VPS13B: variants seen among roughly 807,000 people sequenced by gnomAD.
VPS13B encodes vacuolar protein sorting 13 homolog B, also known as intermembrane lipid transfer protein VPS13B.
VPS13B carries 285 observed loss-of-function variants against 426.4 expected under a neutral mutation model. The ratio of observed to expected loss-of-function variants is 0.67; its 90% CI spans 0.61 to 0.74. The LOEUF is 0.74. Among genes scored for constraint, VPS13B ranks in the 30% least tolerant of loss-of-function variants. VPS13B has a pLI of 0.00. For synonymous variants in VPS13B, 1,676 were observed against 1,676.4 expected (o/e 1.00, Z 0.01); for missense variants, 4,537 against 4,782.6 (o/e 0.95, Z 1.51).
At chr8:99,275,297 T>A in intron 19 of VPS13B, 43 bp downstream of exon 19, 1 of 1,506,258 alleles carries the variant, frequency 6.6e-7, no homozygotes, top group Admixed American at 2.2e-5. Flanking sequence ...TGCTTTTTTT[T>A]TTTTTTTTTT....
Position 99,541,635 on chromosome 8 carries a change from G to A in VPS13B, c.4746-14815G>A, listed in dbSNP as rs199532460. On this transcript the variant is annotated intron_variant, in intron 30 of 61. Coordinates refer to ENST00000357162, the MANE Select transcript of VPS13B (RefSeq NM_152564.5). Reference sequence around the variant, plus strand: ...CCCATATTTGTATAACTCTTGCCATGTTAAAACATTCATGCCGAAAGTAAA... The same window carrying A: ...CCCATATTTGTATAACTCTTGCCATATTAAAACATTCATGCCGAAAGTAAA... Among the ~76,000 whole-genome samples, 45 of 152,198 alleles carry A rather than the reference G, an allele frequency of 3.0e-4. No homozygotes were observed. The East Asian group carries it at 7.9e-3, about 27-fold the overall frequency.
intron 21 of VPS13B, among the ~76,000 whole-genome samples, chr8:99,407,612 T>G (rs1410052828): frequency 6.7e-6 from 1 of 149,342 alleles, no homozygotes; most frequent in East Asian, 2.0e-4. Flanking sequence ...GAGGCCAGCA[T>G]TTTCCTTTAT....
chr8:99,410,259 A>G (rs1357554463), intron 21 of VPS13B, among the ~76,000 whole-genome samples: 1 of 152,166 alleles, frequency 6.6e-6, no homozygotes, highest in Non-Finnish European at 1.5e-5. Flanking sequence ...TTTCTTTGCA[A>G]GATATTTAAG....
At chr8:99,722,695 G>A (rs1833179500) in intron 39 of VPS13B, among the ~76,000 whole-genome samples, 1 of 152,002 alleles carries the variant, frequency 6.6e-6, no homozygotes, top group Non-Finnish European at 1.5e-5. Context: ...TTTTAGTAGA[G>A]ATGGGGTTTC....
chr8:99,847,757 T>C (rs1399417845), intron 54 of VPS13B, among the ~76,000 whole-genome samples: 1 of 152,202 alleles, frequency 6.6e-6, no homozygotes, highest in African/African-American at 2.4e-5. Context: ...ACCAGTGACC[T>C]TGAAGTTGCT....
intron 25 of VPS13B, among the ~76,000 whole-genome samples, chr8:99,498,634 C>A (rs1312670341): frequency 2.6e-5 from 4 of 151,998 alleles, no homozygotes; most frequent in Non-Finnish European, 5.9e-5. Flanking sequence ...TTTATATGAT[C>A]CTTAGATGAT....
intron 9 of VPS13B, 55 bp downstream of exon 9, chr8:99,134,782 A>G: frequency 7.1e-7 from 1 of 1,403,446 alleles, no homozygotes; most frequent in South Asian, 1.2e-5. Context: ...TTAATATTTT[A>G]TAAATACCTG....
chr8:99,863,696 G>T (rs576812216), intron 58 of VPS13B, among the ~76,000 whole-genome samples: 2 of 152,186 alleles, frequency 1.3e-5, no homozygotes, highest in African/African-American at 2.4e-5. Flanking sequence ...CTTTCTGGGC[G>T]TGGGTCCTGT....
intron 17 of VPS13B, chr8:99,234,524 G>A: frequency 2.0e-6 from 1 of 490,316 alleles, no homozygotes; most frequent in South Asian, 1.6e-5. Context: ...CGCGGGGTTG[G>A]GGTTCAGGGG....
chr8:99,299,017 T>C (rs1184482858), intron 19 of VPS13B, among the ~76,000 whole-genome samples: 1 of 151,192 alleles, frequency 6.6e-6, no homozygotes, highest in South Asian at 2.1e-4. Context: ...TCCTGCCACA[T>C]TCCAAAGAGC....
intron 33 of VPS13B, among the ~76,000 whole-genome samples, chr8:99,614,651 G>A (rs1828002820): frequency 6.6e-6 from 1 of 152,042 alleles, no homozygotes; most frequent in East Asian, 1.9e-4. Flanking sequence ...AGTATTTCAT[G>A]GGATTTAGGC....
chr8:99,634,024 A>G (rs563376554), intron 33 of VPS13B, among the ~76,000 whole-genome samples: 2 of 152,118 alleles, frequency 1.3e-5, no homozygotes, highest in East Asian at 1.9e-4. Flanking sequence ...GTTAAACTAT[A>G]TGCAAAGTTT....
intron 17 of VPS13B, among the ~76,000 whole-genome samples, chr8:99,211,371 G>A (rs1219335518): frequency 2.0e-5 from 3 of 152,114 alleles, no homozygotes; most frequent in African/African-American, 7.2e-5. Context: ...GTAATAGTAA[G>A]TACAGCAACA....
intron 20 of VPS13B, among the ~76,000 whole-genome samples, chr8:99,386,012 G>A (rs192621097): frequency 6.6e-6 from 1 of 152,288 alleles, no homozygotes; most frequent in African/African-American, 2.4e-5. Flanking sequence ...GGAGCTATAG[G>A]AAATTGGTAT....
intron 8 of VPS13B, among the ~76,000 whole-genome samples, chr8:99,122,161 A>T (rs1847981412): frequency 6.6e-6 from 1 of 151,444 alleles, no homozygotes; most frequent in South Asian, 2.1e-4. Context: ...GCCCAGCCTC[A>T]TAACAAATTT....
At chr8:99,505,667 G>C (rs1251719693) in intron 27 of VPS13B, among the ~76,000 whole-genome samples, 2 of 152,096 alleles carry the variant, frequency 1.3e-5, no homozygotes, top group Non-Finnish European at 2.9e-5. Context: ...TAATGAAAAA[G>C]TTTGAAATAT....
intron 39 of VPS13B, among the ~76,000 whole-genome samples, chr8:99,756,496 G>C (rs1047460212): frequency 2.0e-5 from 3 of 152,150 alleles, no homozygotes; most frequent in African/African-American, 7.2e-5. Context: ...CTACATCTAA[G>C]AAGCTCAATG....
intron 43 of VPS13B, among the ~76,000 whole-genome samples, chr8:99,790,387 A>AT (rs1390379191): frequency 7.2e-5 from 11 of 151,924 alleles, no homozygotes; most frequent in African/African-American, 2.4e-4. Context: ...CCTCACATTC[A>AT]TTTTTTTAAT....
intron 16 of VPS13B, among the ~76,000 whole-genome samples, chr8:99,192,024 G>A (rs1007864910): frequency 1.8e-4 from 27 of 152,134 alleles, no homozygotes; most frequent in Admixed American, 1.4e-3. Flanking sequence ...GTATACTATA[G>A]TAGCATCCTG....
Sources: allele counts gnomAD v4.1 joint callset (sites outside exome capture counted in the v4.1 genomes callset), GRCh38; gene constraint gnomAD v4.1.1; transcripts MANE v1.5; gene names NCBI Gene and HGNC (gene_info 2026-07-23, HGNC 2026-07-21).